DSCAML1: variants seen among roughly 807,000 people sequenced by gnomAD.
DSCAML1 encodes DS cell adhesion molecule like 1, also known as cell adhesion molecule DSCAML1.
Under a neutral mutation model 200.5 loss-of-function variants are expected in DSCAML1, and 38 were observed. That is an observed-to-expected ratio of 0.19 (90% CI 0.15 to 0.25). The LOEUF (loss-of-function observed/expected upper bound fraction) is 0.25, where lower values mean the gene tolerates loss of function less well. DSCAML1 is among the 10% of genes least tolerant of loss of function. The pLI, the probability that DSCAML1 is intolerant of heterozygous loss-of-function variation, is 1.00. For synonymous variants in DSCAML1, 1,215 were observed against 1,165.0 expected, an observed-to-expected ratio of 1.04 and a Z score of -0.87; for missense variants, 2,223 against 2,858.8, an observed-to-expected ratio of 0.78 and a Z score of 5.07.
At chr11:117,563,507 T>G (rs1031579485) in intron 3 of DSCAML1, among the ~76,000 whole-genome samples, 1 of 152,120 alleles carries the variant, frequency 6.6e-6, no homozygotes, top group Non-Finnish European at 1.5e-5. Flanking sequence ...CACGCTTTCA[T>G]AGATGTAAAG....
intron 14 of DSCAML1, among the ~76,000 whole-genome samples, chr11:117,476,583 G>A (rs2048797488): frequency 6.6e-6 from 1 of 152,226 alleles, no homozygotes. Context: ...GTGTAGGGGA[G>A]GGCCATCCTC....
At chr11:117,693,375 C>T (rs975689065) in intron 3 of DSCAML1, among the ~76,000 whole-genome samples, 1 of 152,182 alleles carries the variant, frequency 6.6e-6, no homozygotes, top group African/African-American at 2.4e-5. Context: ...TGGAGTCCCA[C>T]GTATCAGCTC....
intron 3 of DSCAML1, among the ~76,000 whole-genome samples, chr11:117,557,528 T>G (rs1420150392): frequency 6.6e-6 from 1 of 152,212 alleles, no homozygotes; most frequent in Non-Finnish European, 1.5e-5. Flanking sequence ...TTCCTGCCTT[T>G]CATCTGAGCA....
intron 16 of DSCAML1, among the ~76,000 whole-genome samples, chr11:117,466,601 T>C (rs1296867713): frequency 6.6e-6 from 1 of 152,130 alleles, no homozygotes; most frequent in Non-Finnish European, 1.5e-5. Context: ...CTCAGGAGGC[T>C]GAGGCAGGAG....
At chr11:117,718,695 C>A (rs1237273723) in intron 3 of DSCAML1, among the ~76,000 whole-genome samples, 4 of 126,900 alleles carry the variant, frequency 3.2e-5, no homozygotes, top group African/African-American at 5.9e-5. Context: ...TCATATGAGA[C>A]CTTTAAAAAA....
At chr11:117,690,082 C>G (rs1383689234) in intron 3 of DSCAML1, among the ~76,000 whole-genome samples, 1 of 152,156 alleles carries the variant, frequency 6.6e-6, no homozygotes, top group Non-Finnish European at 1.5e-5. Flanking sequence ...AAGCCAGAGA[C>G]TATACTGAAA....
intron 12 of DSCAML1, 124 bp from the exon 13 acceptor site, chr11:117,481,394 A>C: frequency 4.6e-6 from 4 of 875,056 alleles, no homozygotes; most frequent in South Asian, 4.3e-5. Context: ...GGGGACCCAC[A>C]GGGGCTTTGT....
Position 117,481,198 on chromosome 11 carries a change from C to A in DSCAML1, c.2632G>T (p.Gly878Cys). ...HAINSYGEDRGLIQLTVQEPP... is the reference protein window; with the variant it reads ...HAINSYGEDRCLIQLTVQEPP... Reference sequence around the variant, plus strand: ...CCTTGCACAGTGAGTTGGATCAAGCCCCGGTCCTCCCCATACGAGTTGATG... The same window carrying A: ...CCTTGCACAGTGAGTTGGATCAAGCACCGGTCCTCCCCATACGAGTTGATG... The change falls in exon 13 of 33, where the codon GGC (glycine) becomes TGC (cysteine). Residue 878 changes from glycine to cysteine, a missense_variant. Gly to Cys is a radical substitution (Grantham distance 159). Around this residue, in one of 7 missense-constraint regions of DSCAML1, gnomAD observed 438 missense variants for 629.7 expected, o/e 0.70. Coordinates refer to ENST00000651296, the MANE Select transcript of DSCAML1 (RefSeq NM_020693.4). The A allele has an allele frequency of 6.2e-7, 1 of 1,613,858 alleles. No individual in the cohort carries two copies. The highest frequency in any genetic ancestry group is 8.5e-7 in the Non-Finnish European group (1 of 1,179,996).
intron 3 of DSCAML1, among the ~76,000 whole-genome samples, chr11:117,545,176 G>C (rs1170860228): frequency 6.6e-6 from 1 of 151,786 alleles, no homozygotes; most frequent in South Asian, 2.1e-4. Flanking sequence ...GTTGTGGTGA[G>C]CTGAGATCGT....
At chr11:117,695,846 G>A (rs914676149) in intron 3 of DSCAML1, among the ~76,000 whole-genome samples, 19 of 152,210 alleles carry the variant, frequency 1.2e-4, no homozygotes, top group Admixed American at 1.2e-3. Context: ...AGCAGCCTCA[G>A]TTTCTTCAAC....
intron 11 of DSCAML1, among the ~76,000 whole-genome samples, chr11:117,487,805 A>C (rs1176667522): frequency 6.6e-6 from 1 of 151,780 alleles, no homozygotes; most frequent in Non-Finnish European, 1.5e-5. Flanking sequence ...GGAAGGGAAG[A>C]CCTCCTACTT....
intron 3 of DSCAML1, among the ~76,000 whole-genome samples, chr11:117,617,246 A>T (rs2051828046): frequency 6.6e-6 from 1 of 152,154 alleles, no homozygotes; most frequent in African/African-American, 2.4e-5. Flanking sequence ...AGCTCCTGGG[A>T]TGACTCAACT....
intron 3 of DSCAML1, among the ~76,000 whole-genome samples, chr11:117,577,139 C>T (rs576218096): frequency 1.4e-4 from 21 of 152,242 alleles, no homozygotes; most frequent in African/African-American, 4.8e-4. Flanking sequence ...TGTCACCACC[C>T]GAGGTTACTG....
intron 1 of DSCAML1, among the ~76,000 whole-genome samples, chr11:117,813,838 G>A (rs112164575): frequency 1.3e-3 from 198 of 152,064 alleles, no homozygotes; most frequent in African/African-American, 3.4e-3. Flanking sequence ...AATTTTCACC[G>A]CCCCAACACT....
At chr11:117,620,081 C>G (rs1336278637) in intron 3 of DSCAML1, among the ~76,000 whole-genome samples, 1 of 152,174 alleles carries the variant, frequency 6.6e-6, no homozygotes, top group African/African-American at 2.4e-5. Context: ...AGACAATAAA[C>G]ATTGCTGAGT....
intron 3 of DSCAML1, among the ~76,000 whole-genome samples, chr11:117,538,312 C>T (rs1640750151): frequency 6.6e-6 from 1 of 152,210 alleles, no homozygotes; most frequent in Non-Finnish European, 1.5e-5. Flanking sequence ...AGAAATAGAA[C>T]TGATGTCACA....
At chr11:117,536,810 C>T (rs1273170088) in intron 3 of DSCAML1, among the ~76,000 whole-genome samples, 1 of 152,142 alleles carries the variant, frequency 6.6e-6, no homozygotes, top group Non-Finnish European at 1.5e-5. Context: ...TGCTTTTCTT[C>T]CTTTTATTAT....
In DSCAML1 at chr11:117,521,287, C is replaced by T. The variant is rs541933869; in HGVS notation, c.1056G>A (p.Thr352=). 3.9e-5 allele frequency: 63 copies of T among 1,614,192 alleles called. No homozygotes were observed. The East Asian group carries it at 8.7e-4, about 22-fold the overall frequency. ...TGGCCTCGTCAGGCAGCACCAGCTCCGTGTTGCGATACCAGCGGATGGTGA... is the reference window on the plus strand; with the variant it reads ...TGGCCTCGTCAGGCAGCACCAGCTCTGTGTTGCGATACCAGCGGATGGTGA... The part of the protein sequence containing the change: ...PEFTIRWYRN[T]ELVLPDEAIS... Residue 352 remains threonine (T), a synonymous_variant, in exon 6 of 33, where the codon ACG becomes ACA. Coordinates refer to ENST00000651296, the MANE Select transcript of DSCAML1 (RefSeq NM_020693.4).
chr11:117,599,234 G>A (rs2051419843), intron 3 of DSCAML1, among the ~76,000 whole-genome samples: 1 of 152,112 alleles, frequency 6.6e-6, no homozygotes, highest in Non-Finnish European at 1.5e-5. Context: ...TGCTACCAGG[G>A]GAATGTGCGG....
Sources: gnomAD v4.1 joint callset for allele counts (sites outside exome capture counted in the v4.1 genomes callset) on GRCh38, gnomAD v4.1.1 for gene constraint, gnomAD v4.1.1 regional missense constraint, MANE v1.5 for transcripts, NCBI Gene and HGNC (gene_info 2026-07-23, HGNC 2026-07-21) for gene names.